The following OLFM3 variants were observed in gnomAD, a reference collection of about 807,000 sequenced individuals.
The protein encoded by OLFM3 is olfactomedin 3, also known as noelin-3.
A neutral mutation model predicts 48.6 loss-of-function variants in OLFM3; 20 were observed. The ratio of observed to expected loss-of-function variants is 0.41; its 90% CI spans 0.29 to 0.60. The LOEUF (loss-of-function observed/expected upper bound fraction) is 0.60. OLFM3 is among the 20% of genes least tolerant of loss of function. The pLI is 0.28. For missense variants in OLFM3, 437 were observed against 544.3 expected (o/e 0.80, Z 1.96); for synonymous variants, 222 against 198.1 (o/e 1.12, Z -1.01).
In OLFM3 at chr1:101,805,068, C is replaced by T. The variant is rs181844859; in HGVS notation, c.700-153G>A. Among the ~76,000 whole-genome samples, 587 of 151,876 alleles carry T rather than the reference C, an allele frequency of 3.9e-3. 2 individuals are homozygous for T. The highest frequency in any genetic ancestry group is 0.014 in the African/African-American group (573 of 41,506). On this transcript the variant is annotated intron_variant, in intron 5 of 5. Coordinates refer to ENST00000370103, the MANE Select transcript of OLFM3 (RefSeq NM_058170.4). The stretch of plus-strand genomic sequence containing the variant: ...CTGACCTGCCGCAATGTATTTCAGG[C>T]TTTTGTAAAAATATTGCTATGGTCT...
intron 1 of OLFM3, among the ~76,000 whole-genome samples, chr1:101,888,675 C>A (rs1234502328): frequency 6.6e-6 from 1 of 152,172 alleles, no homozygotes; most frequent in African/African-American, 2.4e-5. Flanking sequence ...TAAAGAGCTT[C>A]TGCACAGCAA....
chr1:101,828,725 T>C (rs769027248), intron 3 of OLFM3, among the ~76,000 whole-genome samples: 1 of 152,204 alleles, frequency 6.6e-6, no homozygotes, highest in Non-Finnish European at 1.5e-5. Context: ...AGAATTCTCA[T>C]TGCATTGTCC....
chr1:101,812,288 A>G (rs910271356), intron 4 of OLFM3: 8 of 365,856 alleles, frequency 2.2e-5, no homozygotes, highest in African/African-American at 1.8e-4. Context: ...TACATATGTA[A>G]CAAACCTGCA....
chr1:101,862,788 T>G (rs1656706815), intron 1 of OLFM3, among the ~76,000 whole-genome samples: 1 of 152,206 alleles, frequency 6.6e-6, no homozygotes, highest in East Asian at 1.9e-4. Flanking sequence ...AACACTCATA[T>G]AACCAAATGA....
At chr1:101,885,174 AT>A (rs1657698031) in intron 1 of OLFM3, among the ~76,000 whole-genome samples, 1 of 152,032 alleles carries the variant, frequency 6.6e-6, no homozygotes, top group African/African-American at 2.4e-5. Context: ...GATTGTGGAT[AT>A]GGCAAAAAAA....
chr1:101,875,649 T>C (rs1329627800), intron 1 of OLFM3, among the ~76,000 whole-genome samples: 2 of 124,600 alleles, frequency 1.6e-5, no homozygotes, highest in African/African-American at 5.9e-5. Flanking sequence ...ACAGTCCCTA[T>C]GCTGAACTTT....
At chr1:101,950,894 A>C (rs984188112) in intron 1 of OLFM3, among the ~76,000 whole-genome samples, 2 of 152,196 alleles carry the variant, frequency 1.3e-5, no homozygotes, top group African/African-American at 2.4e-5. Flanking sequence ...TGAACAAATA[A>C]ATGAATTCCA....
In OLFM3 at chr1:101,803,389, A is replaced by G. The variant is rs1653585216; in HGVS notation, c.*849T>C. On this transcript the variant is annotated 3_prime_UTR_variant, in exon 6 of 6. Transcript: ENST00000370103. The stretch of plus-strand genomic sequence containing the variant: ...TATATGGGTTGCATTCAGTGGAGTG[A>G]ACAGAGTAACTCAGTTGTATGAAAT... 6.6e-6 allele frequency: 1 copy of G among 152,124 alleles called. No homozygotes were observed. The highest frequency in any genetic ancestry group is 2.1e-4 in the South Asian group (1 of 4,832). The allele number at this position is 152,124 out of a possible 1,614,324, so 9.4% of individuals were successfully genotyped here. A position where few individuals can be genotyped will look rare whatever the true frequency, so the allele number is the denominator to read the frequency against.
chr1:101,853,947 C>T (rs1656320510), intron 1 of OLFM3, among the ~76,000 whole-genome samples: 1 of 152,038 alleles, frequency 6.6e-6, no homozygotes, highest in Non-Finnish European at 1.5e-5. Context: ...TGATAAGCTT[C>T]ACGGGTCACT....
chr1:101,929,236 C>G (rs1388826500), intron 1 of OLFM3, among the ~76,000 whole-genome samples: 2 of 152,218 alleles, frequency 1.3e-5, no homozygotes, highest in East Asian at 3.9e-4. Flanking sequence ...CTTTTTGTTT[C>G]TTTGCTACAT....
chr1:101,909,046 C>T (rs979156362), intron 1 of OLFM3, among the ~76,000 whole-genome samples: 2 of 152,128 alleles, frequency 1.3e-5, no homozygotes, highest in Admixed American at 6.5e-5. Context: ...TTTTTGTGTC[C>T]CCCCTTCACT....
intron 3 of OLFM3, among the ~76,000 whole-genome samples, chr1:101,827,410 C>G (rs575699528): frequency 3.3e-5 from 5 of 152,026 alleles, no homozygotes; most frequent in African/African-American, 7.2e-5. Flanking sequence ...AACTCCACCT[C>G]CCGGGTTCAC....
intron 3 of OLFM3, among the ~76,000 whole-genome samples, chr1:101,828,886 C>T (rs1407159932): frequency 6.6e-6 from 1 of 152,186 alleles, no homozygotes; most frequent in Non-Finnish European, 1.5e-5. Flanking sequence ...TACACTCTAA[C>T]CCTGAGAATT....
intron 1 of OLFM3, among the ~76,000 whole-genome samples, chr1:101,857,428 C>G (rs1656471682): frequency 6.6e-6 from 1 of 151,806 alleles, no homozygotes; most frequent in Admixed American, 6.6e-5. Flanking sequence ...TCATAATGTA[C>G]AGAGCTAAAA....
intron 4 of OLFM3, among the ~76,000 whole-genome samples, chr1:101,819,643 T>C (rs1347956354): frequency 6.6e-6 from 1 of 151,950 alleles, no homozygotes; most frequent in African/African-American, 2.4e-5. Flanking sequence ...AGCCTCTTTT[T>C]TTTCTACAAC....
At chr1:101,991,555 C>T (rs962338140) in intron 1 of OLFM3, among the ~76,000 whole-genome samples, 5 of 151,904 alleles carry the variant, frequency 3.3e-5, no homozygotes, top group African/African-American at 7.3e-5. Flanking sequence ...ATATGTGCTA[C>T]GTTTTATATG....
chr1:101,910,310 C>A (rs1383135771), intron 1 of OLFM3, among the ~76,000 whole-genome samples: 2 of 151,836 alleles, frequency 1.3e-5, no homozygotes, highest in African/African-American at 2.4e-5. Flanking sequence ...ACTAAAAATA[C>A]AAAAAATTAG....
intron 1 of OLFM3, among the ~76,000 whole-genome samples, chr1:101,882,033 G>T (rs888098974): frequency 2.0e-5 from 3 of 150,226 alleles, no homozygotes; most frequent in Admixed American, 6.7e-5. Context: ...TTTTACTAGG[G>T]TATTGAATAA....
chr1:101,894,597 G>A (rs577672505), intron 1 of OLFM3, among the ~76,000 whole-genome samples: 2 of 151,958 alleles, frequency 1.3e-5, no homozygotes, highest in Non-Finnish European at 2.9e-5. Context: ...TTAAGACCAT[G>A]TCATTTAATA....
Sources: gnomAD v4.1 joint callset for allele counts (sites outside exome capture counted in the v4.1 genomes callset) on GRCh38, gnomAD v4.1.1 for gene constraint, MANE v1.5 for transcripts, NCBI Gene and HGNC (gene_info 2026-07-23, HGNC 2026-07-21) for gene names.